The following MTRF1 variants were observed in gnomAD, a reference collection of about 807,000 sequenced individuals.
MTRF1 encodes the protein mitochondrial translation release factor 1, also known as peptide chain release factor 1, mitochondrial.
A neutral mutation model predicts 62.9 loss-of-function variants in MTRF1; 51 were observed. The ratio of observed to expected loss-of-function variants is 0.81; its 90% CI spans 0.65 to 1.02. The LOEUF (loss-of-function observed/expected upper bound fraction) is 1.02. MTRF1 is among the 50% of genes least tolerant of loss of function. MTRF1 has a pLI of 0.00. For missense variants in MTRF1, 446 were observed against 530.0 expected (o/e 0.84, Z 1.56); for synonymous variants, 158 against 181.9 (o/e 0.87, Z 1.06).
the MTRF1 span, among the ~76,000 whole-genome samples, chr13:41,310,150 T>C: frequency 6.6e-6 from 1 of 152,250 alleles, no homozygotes; most frequent in South Asian, 2.1e-4. Context: ...ACACACACCT[T>C]ACTACTAACC....
chr13:41,228,036 C>G (rs1448770816), intron 7 of MTRF1, among the ~76,000 whole-genome samples: 1 of 152,224 alleles, frequency 6.6e-6, no homozygotes, highest in Non-Finnish European at 1.5e-5. Context: ...GAGCTCTCCT[C>G]CACATTCCTC....
At chr13:41,224,857 G>C (rs1049651151) in intron 8 of MTRF1, among the ~76,000 whole-genome samples, 1 of 152,170 alleles carries the variant, frequency 6.6e-6, no homozygotes, top group Non-Finnish European at 1.5e-5. Context: ...TTGTCAATCA[G>C]ACTACTGAAG....
At chr13:41,286,259 G>A in the MTRF1 span, among the ~76,000 whole-genome samples, 1 of 152,140 alleles carries the variant, frequency 6.6e-6, no homozygotes, top group Admixed American at 6.5e-5. Flanking sequence ...TTCTTTGGAA[G>A]TGATTTGGGA....
the MTRF1 span, among the ~76,000 whole-genome samples, chr13:41,269,237 T>A: frequency 6.7e-6 from 1 of 149,118 alleles, no homozygotes; most frequent in Non-Finnish European, 1.5e-5. Context: ...TTTACTCTTT[T>A]CACCTAGACT....
the MTRF1 span, among the ~76,000 whole-genome samples, chr13:41,285,892 C>T: frequency 3.3e-5 from 5 of 151,752 alleles, no homozygotes; most frequent in Admixed American, 2.6e-4. Flanking sequence ...GGTGAAACCC[C>T]GTCTCTACTA....
chr13:41,242,666 C>T (rs1254378971), intron 5 of MTRF1, among the ~76,000 whole-genome samples: 2 of 152,016 alleles, frequency 1.3e-5, no homozygotes, highest in African/African-American at 2.4e-5. Flanking sequence ...CTTTTAAAGG[C>T]GGTTTGTGTA....
intron 5 of MTRF1, among the ~76,000 whole-genome samples, chr13:41,241,646 T>C (rs1484443559): frequency 6.6e-6 from 1 of 152,238 alleles, no homozygotes; most frequent in Non-Finnish European, 1.5e-5. Context: ...TGATGTATCT[T>C]TTTAGTCTAT....
rs562518014 is a variant in MTRF1 at position 41,242,991 on chromosome 13, C to T, written c.698-2558G>A. Among the ~76,000 whole-genome samples, 12 of 152,002 alleles carry T rather than the reference C, an allele frequency of 7.9e-5. No homozygotes were observed. The South Asian group carries it at 1.5e-3, about 18-fold the overall frequency. On this transcript the variant is annotated intron_variant, in intron 5 of 9. Coordinates refer to ENST00000379480, the MANE Select transcript of MTRF1 (RefSeq NM_004294.4). ...GTCCCAGCACTTTGGGAGGCCGAGG[C>T]GGGCAGATCACAAGGTCAGGAGTTC...
At chr13:41,286,848 T>G in the MTRF1 span, among the ~76,000 whole-genome samples, 1 of 152,238 alleles carries the variant, frequency 6.6e-6, no homozygotes, top group South Asian at 2.1e-4. Context: ...TTCATTATGA[T>G]ATACAGTACG....
intron 8 of MTRF1, 81 bp from the exon 9 acceptor site, chr13:41,223,435 C>T: frequency 9.2e-7 from 1 of 1,090,820 alleles, no homozygotes; most frequent in Non-Finnish European, 1.4e-6. Flanking sequence ...GGCAAATGAC[C>T]ATTTCAACAA....
rs138490542 is a variant in MTRF1, at chr13:41,227,413, G to A, written c.989-845C>T. Among the ~76,000 whole-genome samples, 399 of 152,186 alleles carry A rather than the reference G, an allele frequency of 2.6e-3. 2 individuals are homozygous for A. The highest frequency in any genetic ancestry group is 9.4e-3 in the African/African-American group (389 of 41,530). ...AGTTTTCTGAGTTCTAAATTTCTAA[G>A]TTGTTCTGCGTAGTCTAAGTTAGCT... On this transcript the variant is annotated intron_variant, in intron 7 of 9. Transcript: ENST00000379480.
chr13:41,259,877 T>TA (rs765498489), intron 2 of MTRF1, among the ~76,000 whole-genome samples: 13 of 152,142 alleles, frequency 8.5e-5, no homozygotes, highest in Non-Finnish European at 1.6e-4. Context: ...TCTCACATTA[T>TA]AAACAATACT....
At chr13:41,237,390 T>G (rs935100507) in intron 6 of MTRF1, among the ~76,000 whole-genome samples, 1 of 151,878 alleles carries the variant, frequency 6.6e-6, no homozygotes, top group Non-Finnish European at 1.5e-5. Flanking sequence ...AATCAAATCC[T>G]AAAATGAAAT....
the MTRF1 span, among the ~76,000 whole-genome samples, chr13:41,301,097 A>G: frequency 6.6e-6 from 1 of 152,232 alleles, no homozygotes; most frequent in Non-Finnish European, 1.5e-5. Context: ...TAAGTGTTCA[A>G]TAACAGTTAT....
At chr13:41,310,287 C>A in the MTRF1 span, among the ~76,000 whole-genome samples, 29 of 152,138 alleles carry the variant, frequency 1.9e-4, 1 homozygote, top group South Asian at 4.1e-4. Context: ...GAATTTGAAG[C>A]CTGTTTCTCC....
At chr13:41,301,904 C>G in the MTRF1 span, among the ~76,000 whole-genome samples, 3 of 152,280 alleles carry the variant, frequency 2.0e-5, no homozygotes, top group Middle Eastern at 3.4e-3. Flanking sequence ...CCAGTCTCTT[C>G]TCTTCTCTGG....
the MTRF1 span, among the ~76,000 whole-genome samples, chr13:41,273,079 G>C: frequency 0.015 from 2,254 of 152,100 alleles, 26 homozygotes; most frequent in Middle Eastern, 0.027. Flanking sequence ...GTAATCCCAG[G>C]ACTTTGGGAG....
intron 2 of MTRF1, among the ~76,000 whole-genome samples, chr13:41,259,594 TG>T (rs1232717096): frequency 2.0e-5 from 3 of 148,524 alleles, no homozygotes; most frequent in African/African-American, 5.0e-5. Flanking sequence ...CCCAGCTACT[TG>T]GGAGGCTGAG....
Position 41,234,006 on chromosome 13 carries a change from A to G in MTRF1, c.872T>C (p.Val291Ala), listed in dbSNP as rs753397252. The change falls in exon 7 of 10, where the codon GTG (valine) becomes GCG (alanine). Residue 291 changes from valine (V) to alanine (A), a missense_variant and splice_region_variant. Physicochemically the swap from Val to Ala is moderately conservative, Grantham distance 64. Transcript: ENST00000379480. ...SVIVLPQPDE[V>A]DVKLDPKDLR... is the part of the protein sequence containing the mutation. ...ATCCTTGGGGTCCAATTTCACATCC[A>G]CCTAGAACAGAAGGCATGGCATAAT... The G allele has an allele frequency of 6.2e-7, 1 of 1,607,202 alleles. No individual in the cohort carries two copies. Among genetic ancestry groups the G allele is most frequent in the Non-Finnish European group, 8.5e-7 (1 of 1,173,664 alleles).
Sources: gnomAD v4.1 joint callset for allele counts (sites outside exome capture counted in the v4.1 genomes callset) on GRCh38, gnomAD v4.1.1 for gene constraint, MANE v1.5 for transcripts, NCBI Gene and HGNC (gene_info 2026-07-23, HGNC 2026-07-21) for gene names.